Variants in PRKN observed in about 807,000 individuals in gnomAD.
PRKN encodes E3 ubiquitin-protein ligase parkin.
Under a neutral mutation model 59.5 loss-of-function variants are expected in PRKN, and 56 were observed. The observed-to-expected ratio is 0.94, with a 90% CI of 0.76 to 1.18. The LOEUF (loss-of-function observed/expected upper bound fraction) is 1.18, where lower values mean the gene tolerates loss of function less well. PRKN is among the 50% of genes most tolerant of loss of function. The pLI, the probability that PRKN is intolerant of heterozygous loss-of-function variation, is 0.00. For synonymous variants in PRKN, 250 were observed against 222.1 expected, an observed-to-expected ratio of 1.13 and a Z score of -1.12; for missense variants, 657 against 596.4, an observed-to-expected ratio of 1.10 and a Z score of -1.06.
chr6:161,506,595 G>T (rs1778180094), intron 9 of PRKN, among the ~76,000 whole-genome samples: 1 of 152,168 alleles, frequency 6.6e-6, no homozygotes, highest in Admixed American at 6.5e-5. Flanking sequence ...GCTCTGGGCT[G>T]GTCAAAAAGG....
intron 1 of PRKN, among the ~76,000 whole-genome samples, chr6:162,633,109 G>A (rs2128222941): frequency 6.6e-6 from 1 of 151,838 alleles, no homozygotes; most frequent in Admixed American, 6.6e-5. Flanking sequence ...CAACCTAGAT[G>A]AGCTATAAAA....
At chr6:161,861,506 G>T (rs9365331) in intron 6 of PRKN, among the ~76,000 whole-genome samples, 64,048 of 151,736 alleles carry the variant, frequency 0.42, 13,894 homozygotes, top group East Asian at 0.67. Flanking sequence ...GATGGGTTGA[G>T]GGGTGCAGCA....
intron 1 of PRKN, among the ~76,000 whole-genome samples, chr6:162,566,655 A>G (rs184528502): frequency 1.3e-3 from 200 of 152,316 alleles, no homozygotes; most frequent in South Asian, 0.011. Flanking sequence ...ATCTTCCAGT[A>G]AAGAAAAGCC....
intron 5 of PRKN, among the ~76,000 whole-genome samples, chr6:162,001,480 G>A (rs1032949032): frequency 6.6e-6 from 1 of 151,862 alleles, no homozygotes; most frequent in Non-Finnish European, 1.5e-5. Flanking sequence ...GGAAGCAATT[G>A]ACGTTTGCAC....
chr6:162,610,982 A>G (rs1014963062), intron 1 of PRKN, among the ~76,000 whole-genome samples: 37 of 152,322 alleles, frequency 2.4e-4, no homozygotes, highest in Admixed American at 1.2e-3. Flanking sequence ...AGCATACAGG[A>G]GAATCATAAT....
At chr6:162,492,688 A>G (rs981864147) in intron 1 of PRKN, among the ~76,000 whole-genome samples, 1 of 152,052 alleles carries the variant, frequency 6.6e-6, no homozygotes, top group Non-Finnish European at 1.5e-5. Context: ...GCGGTGGCTC[A>G]CGCCTGTAAT....
At chr6:161,782,429 A>G (rs1395811079) in intron 7 of PRKN, among the ~76,000 whole-genome samples, 1 of 152,106 alleles carries the variant, frequency 6.6e-6, no homozygotes, top group Middle Eastern at 3.4e-3. Flanking sequence ...ATAAACGTTT[A>G]CCTTTGGGAG....
At chr6:162,461,704 C>G (rs1476918166) in intron 1 of PRKN, among the ~76,000 whole-genome samples, 1 of 150,318 alleles carries the variant, frequency 6.7e-6, no homozygotes, top group Admixed American at 6.7e-5. Flanking sequence ...TCCTGTAACC[C>G]CAGCTACTCG....
chr6:162,492,956 C>CAA (rs34716532), intron 1 of PRKN, among the ~76,000 whole-genome samples: 170 of 110,310 alleles, frequency 1.5e-3, no homozygotes, highest in African/African-American at 5.0e-3. Flanking sequence ...TTGTCTCAAA[C>CAA]AAAAAAAAAA....
intron 1 of PRKN, among the ~76,000 whole-genome samples, chr6:162,694,044 G>A (rs1004811927): frequency 2.0e-5 from 3 of 151,960 alleles, no homozygotes; most frequent in Non-Finnish European, 4.4e-5. Context: ...TCAGGAGATC[G>A]AGATCATCCT....
chr6:161,833,480 C>T (rs184603860), intron 6 of PRKN, among the ~76,000 whole-genome samples: 138 of 152,352 alleles, frequency 9.1e-4, no homozygotes, highest in African/African-American at 3.1e-3. Context: ...TAGCTATAAC[C>T]TGATGCTGTT....
chr6:161,783,697 T>C (rs762411349), intron 7 of PRKN: 15 of 508,568 alleles, frequency 2.9e-5, no homozygotes, highest in East Asian at 2.2e-4. Flanking sequence ...CAAAACAAAA[T>C]TGTCACATTA....
chr6:161,860,729 G>A (rs1210902610), intron 6 of PRKN, among the ~76,000 whole-genome samples: 1 of 152,158 alleles, frequency 6.6e-6, no homozygotes, highest in Middle Eastern at 3.4e-3. Flanking sequence ...CTTGTGCTGT[G>A]CAGAAGCTCT....
At chr6:162,325,192 C>T (rs936011851) in intron 2 of PRKN, among the ~76,000 whole-genome samples, 4 of 152,254 alleles carry the variant, frequency 2.6e-5, no homozygotes, top group Admixed American at 6.5e-5. Flanking sequence ...TCAATTTAAG[C>T]TCTTTGAATG....
chr6:162,184,192 C>T (rs1783923120), intron 4 of PRKN, among the ~76,000 whole-genome samples: 1 of 152,096 alleles, frequency 6.6e-6, no homozygotes, highest in African/African-American at 2.4e-5. Context: ...TTTATTTGTC[C>T]TTTTAATCAA....
chr6:162,005,328 T>G (rs1782208159), intron 5 of PRKN, among the ~76,000 whole-genome samples: 1 of 152,184 alleles, frequency 6.6e-6, no homozygotes, highest in Non-Finnish European at 1.5e-5. Flanking sequence ...GGGAATTTTG[T>G]AAGAAATATG....
chr6:162,369,399 G>C (rs1785625695), intron 2 of PRKN, among the ~76,000 whole-genome samples: 1 of 152,082 alleles, frequency 6.6e-6, no homozygotes. Flanking sequence ...ATGATTAAAA[G>C]ATAACAGTGC....
At chr6:161,817,035 A>AAT (rs1421632627) in intron 6 of PRKN, among the ~76,000 whole-genome samples, 1 of 152,038 alleles carries the variant, frequency 6.6e-6, no homozygotes, top group Non-Finnish European at 1.5e-5. Flanking sequence ...CACACACATA[A>AAT]AGTTTTTGTT....
At chr6:162,023,151 T>C (rs1783275688) in intron 5 of PRKN, among the ~76,000 whole-genome samples, 1 of 151,944 alleles carries the variant, frequency 6.6e-6, no homozygotes, top group Admixed American at 6.6e-5. Context: ...GGGCAGGCTG[T>C]GGGGCTCCCA....
Sources: allele counts gnomAD v4.1 joint callset (sites outside exome capture counted in the v4.1 genomes callset), GRCh38; gene constraint gnomAD v4.1.1; transcripts MANE v1.5; gene names NCBI Gene and HGNC (gene_info 2026-07-23, HGNC 2026-07-21).